Variants in SUPT3H observed in about 807,000 individuals in gnomAD.
SUPT3H encodes the protein SPT3 homolog, SAGA and STAGA complex component, also known as transcription initiation protein SPT3 homolog.
A neutral mutation model predicts 44.3 loss-of-function variants in SUPT3H; 44 were observed. That is an observed-to-expected ratio of 0.99 (90% CI 0.78 to 1.28). The LOEUF (loss-of-function observed/expected upper bound fraction) is 1.28. SUPT3H is among the 50% of genes most tolerant of loss of function. SUPT3H has a pLI of 0.00. For synonymous variants in SUPT3H, 124 were observed against 125.6 expected, an observed-to-expected ratio of 0.99 and a Z score of 0.09; for missense variants, 380 against 387.1, an observed-to-expected ratio of 0.98 and a Z score of 0.15.
At chr6:45,102,720 TC>T (rs1238630735) in intron 3 of SUPT3H, among the ~76,000 whole-genome samples, 1 of 151,996 alleles carries the variant, frequency 6.6e-6, no homozygotes, top group Non-Finnish European at 1.5e-5. Context: ...GTCGGGCAGA[TC>T]CCTCAGGTCA....
chr6:45,128,081 G>A (rs1562512726), intron 2 of SUPT3H, among the ~76,000 whole-genome samples: 1 of 152,024 alleles, frequency 6.6e-6, no homozygotes, highest in South Asian at 2.1e-4. Context: ...TACTTTGTCT[G>A]ATATTAATAT....
At chr6:45,371,361 G>A (rs1456063603) in intron 1 of SUPT3H, among the ~76,000 whole-genome samples, 2 of 149,760 alleles carry the variant, frequency 1.3e-5, no homozygotes, top group Non-Finnish European at 3.0e-5. Context: ...GGAATTTGGA[G>A]TTTATAAAGG....
chr6:44,898,000 T>G lies in SUPT3H; in HGVS notation c.912+34653A>C, dbSNP rs146975255. ...TCAGAACCATTCCATCCAAAAAAAC[T>G]TATAACCATTTGTCACATACACAAA... On this transcript the variant is annotated intron_variant, in intron 10 of 10. Transcript: ENST00000371459. Among the ~76,000 whole-genome samples the G allele has an allele frequency of 2.2e-3, 328 of 152,332 alleles. 1 individual carries two copies. The highest frequency in any genetic ancestry group is 7.6e-3 in the African/African-American group (314 of 41,574).
rs544449096 is a variant in SUPT3H at position 45,055,468 on chromosome 6, T to C, written c.187-34836A>G. ...TCACCAAAACAGCAGGGTACTGGTA[T>C]AAAAATGGCACATAGACCCATGCAA... On this transcript the variant is annotated intron_variant, in intron 3 of 10. Coordinates refer to ENST00000371459, the MANE Select transcript of SUPT3H (RefSeq NM_003599.4). Among the ~76,000 whole-genome samples the C allele has an allele frequency of 1.1e-4, 16 of 152,224 alleles. No individual in the cohort carries two copies. In the South Asian group the frequency reaches 3.3e-3, roughly 32 times the overall value.
intron 2 of SUPT3H, among the ~76,000 whole-genome samples, chr6:45,241,426 T>C (rs1584451020): frequency 1.3e-5 from 2 of 152,222 alleles, no homozygotes; most frequent in African/African-American, 4.8e-5. Context: ...CTTAAGGACA[T>C]GTTTCTGCTG....
intron 6 of SUPT3H, among the ~76,000 whole-genome samples, chr6:44,971,129 T>C (rs1453005915): frequency 6.6e-6 from 1 of 152,196 alleles, no homozygotes; most frequent in African/African-American, 2.4e-5. Context: ...GTAAGGACTT[T>C]TTCTAAACAT....
At chr6:44,996,852 A>G (rs1358363317) in intron 6 of SUPT3H, among the ~76,000 whole-genome samples, 2 of 151,834 alleles carry the variant, frequency 1.3e-5, no homozygotes, top group Non-Finnish European at 2.9e-5. Flanking sequence ...TGTAAGGTTA[A>G]GAGTTATCAT....
intron 2 of SUPT3H, among the ~76,000 whole-genome samples, chr6:45,257,638 C>G (rs780652874): frequency 2.6e-5 from 4 of 152,042 alleles, no homozygotes; most frequent in Non-Finnish European, 5.9e-5. Context: ...GTTCTGGAAG[C>G]TAGGAAGTCC....
intron 2 of SUPT3H, among the ~76,000 whole-genome samples, chr6:45,128,609 TACACACAC>T (rs567267636): frequency 0.012 from 1,472 of 122,782 alleles, 34 homozygotes; most frequent in African/African-American, 0.043. Context: ...TATACACACA[TACACACAC>T]ATATATATAC....
chr6:45,248,047 ATACTT>A (rs1771683331), intron 2 of SUPT3H, among the ~76,000 whole-genome samples: 1 of 152,182 alleles, frequency 6.6e-6, no homozygotes, highest in Admixed American at 6.5e-5. Context: ...ATATTGACCC[ATACTT>A]TACAACTTAT....
intron 2 of SUPT3H, among the ~76,000 whole-genome samples, chr6:45,149,770 A>G (rs1806626723): frequency 6.6e-6 from 1 of 152,172 alleles, no homozygotes; most frequent in African/African-American, 2.4e-5. Context: ...CTTTAAAAAA[A>G]ATTCCAAATA....
chr6:45,019,545 T>C (rs1482489043), intron 4 of SUPT3H, among the ~76,000 whole-genome samples: 5 of 152,130 alleles, frequency 3.3e-5, no homozygotes, highest in African/African-American at 1.2e-4. Flanking sequence ...CTTTGTAGCT[T>C]GTTCTATGCT....
chr6:45,016,036 T>TA (rs1352865612), intron 4 of SUPT3H, among the ~76,000 whole-genome samples: 2 of 152,146 alleles, frequency 1.3e-5, no homozygotes, highest in Non-Finnish European at 2.9e-5. Context: ...GATGGAGTAT[T>TA]ATAAATACAT....
chr6:44,819,905 A>T (rs1767173478), intron 11 of SUPT3H, among the ~76,000 whole-genome samples: 3 of 152,224 alleles, frequency 2.0e-5, no homozygotes, highest in Admixed American at 2.0e-4. Flanking sequence ...GTAAAAAGAA[A>T]ATTTGAGCAA....
At chr6:45,034,064 G>A (rs1055968563) in intron 3 of SUPT3H, among the ~76,000 whole-genome samples, 2 of 152,116 alleles carry the variant, frequency 1.3e-5, no homozygotes, top group Non-Finnish European at 2.9e-5. Flanking sequence ...CTGAAGAAGA[G>A]CTTAATACAG....
chr6:45,038,672 T>C (rs1788054424), intron 3 of SUPT3H, among the ~76,000 whole-genome samples: 1 of 152,152 alleles, frequency 6.6e-6, no homozygotes, highest in Non-Finnish European at 1.5e-5. Flanking sequence ...TTTAATTCTG[T>C]AATTTTTTTT....
intron 3 of SUPT3H, among the ~76,000 whole-genome samples, chr6:45,105,472 G>T (rs1799142811): frequency 6.6e-6 from 1 of 151,448 alleles, no homozygotes; most frequent in Non-Finnish European, 1.5e-5. Context: ...CAAATTATGA[G>T]GTTACTCAGT....
chr6:44,928,882 C>CAAAAAAAAAAAAAAAAAAAAAAAAA (rs35656937), intron 10 of SUPT3H, among the ~76,000 whole-genome samples: 2 of 20,646 alleles, frequency 9.7e-5, no homozygotes, highest in Non-Finnish European at 1.5e-4. Context: ...GACTCCGTCT[C>CAAAAAAAAAAAAAAAAAAAAAAAAA]AAAAAAAAAA....
intron 10 of SUPT3H, among the ~76,000 whole-genome samples, chr6:44,897,348 G>T (rs531288750): frequency 1.3e-5 from 2 of 152,272 alleles, no homozygotes; most frequent in South Asian, 2.1e-4. Flanking sequence ...GAAATCTAAT[G>T]TTAGAAAAAT....
Sources: allele counts gnomAD v4.1 joint callset (sites outside exome capture counted in the v4.1 genomes callset), GRCh38; gene constraint gnomAD v4.1.1; transcripts MANE v1.5; gene names NCBI Gene and HGNC (gene_info 2026-07-23, HGNC 2026-07-21).